The following TMEM232 variants were observed in gnomAD, a reference collection of about 807,000 sequenced individuals.
TMEM232 encodes the protein transmembrane protein 232.
Under a neutral mutation model 78.8 loss-of-function variants are expected in TMEM232, and 80 were observed. The observed-to-expected ratio is 1.01, with a 90% CI of 0.85 to 1.22. The LOEUF (loss-of-function observed/expected upper bound fraction) is 1.22, where lower values mean the gene tolerates loss of function less well. TMEM232 is among the 50% of genes most tolerant of loss of function. TMEM232 has a pLI of 0.00. For missense variants in TMEM232, 881 were observed against 742.2 expected, an observed-to-expected ratio of 1.19 and a Z score of -2.17; for synonymous variants, 297 against 254.3, an observed-to-expected ratio of 1.17 and a Z score of -1.60.
intron 11 of TMEM232, among the ~76,000 whole-genome samples, chr5:110,564,816 T>C (rs968211075): frequency 4.6e-5 from 7 of 151,928 alleles, no homozygotes; most frequent in African/African-American, 1.4e-4. Flanking sequence ...CCTATTCTCA[T>C]TGCCTGAAGA....
intron 2 of TMEM232, among the ~76,000 whole-genome samples, chr5:110,399,720 G>C (rs1401110001): frequency 1.3e-5 from 2 of 152,080 alleles, no homozygotes; most frequent in Non-Finnish European, 2.9e-5. Flanking sequence ...ATTTCCATCA[G>C]CTTCGAAATG....
At chr5:110,618,622 CT>C in intron 7 of TMEM232, 60 bp from the exon 8 acceptor site, 15 of 1,425,184 alleles carry the variant, frequency 1.1e-5, no homozygotes, top group Non-Finnish European at 1.4e-5. Flanking sequence ...AAAGAGTACT[CT>C]GACTTGAACA....
At chr5:110,520,845 G>A (rs1001602464) in intron 12 of TMEM232, among the ~76,000 whole-genome samples, 4 of 152,166 alleles carry the variant, frequency 2.6e-5, no homozygotes, top group African/African-American at 9.7e-5. Flanking sequence ...TTGAACCCAA[G>A]AGGCAGAGGT....
intron 8 of TMEM232, among the ~76,000 whole-genome samples, chr5:110,615,577 C>G (rs920097406): frequency 1.3e-5 from 2 of 151,666 alleles, no homozygotes; most frequent in African/African-American, 4.8e-5. Context: ...AGGAACAAGA[C>G]AAGAATGTTC....
intron 2 of TMEM232, among the ~76,000 whole-genome samples, chr5:110,652,599 G>C (rs931459845): frequency 1.3e-5 from 2 of 152,026 alleles, no homozygotes; most frequent in Non-Finnish European, 2.9e-5. Context: ...TGTAAATCCT[G>C]AGTCCTTTAA....
In TMEM232 at chr5:110,582,606, G is replaced by C. The variant is rs1358219486; in HGVS notation, c.1277-13981C>G. ...ACTACCTGTACCAGGAACAAGCCAAGGTTGTCTACTCTGGTGATGTCTATT... is the reference window on the plus strand; with the variant it reads ...ACTACCTGTACCAGGAACAAGCCAACGTTGTCTACTCTGGTGATGTCTATT... On this transcript the variant is annotated intron_variant, in intron 10 of 13. Coordinates refer to ENST00000455884, the MANE Select transcript of TMEM232 (RefSeq NM_001039763.4). Among the ~76,000 whole-genome samples the C allele has an allele frequency of 2.0e-5, 3 of 151,994 alleles. No homozygotes were observed. The South Asian group carries it at 6.2e-4, about 32-fold the overall frequency.
intron 11 of TMEM232, among the ~76,000 whole-genome samples, chr5:110,532,779 C>A (rs1771735442): frequency 6.6e-6 from 1 of 152,114 alleles, no homozygotes; most frequent in East Asian, 1.9e-4. Flanking sequence ...ATCATGCACT[C>A]CTTACCATCT....
intron 11 of TMEM232, among the ~76,000 whole-genome samples, chr5:110,546,365 GTTGT>G (rs1033709758): frequency 4.1e-4 from 63 of 152,174 alleles, no homozygotes; most frequent in Admixed American, 1.1e-3. Flanking sequence ...ATGAAATTCA[GTTGT>G]TTATCATATA....
chr5:110,510,686 A>G (rs1441717961), intron 12 of TMEM232, among the ~76,000 whole-genome samples: 4 of 152,242 alleles, frequency 2.6e-5, no homozygotes. Flanking sequence ...CAGCAAACAT[A>G]TGAAAAAAAA....
chr5:110,504,133 T>C (rs1766590200), intron 12 of TMEM232, among the ~76,000 whole-genome samples: 1 of 152,216 alleles, frequency 6.6e-6, no homozygotes, highest in Admixed American at 6.5e-5. Flanking sequence ...TAATAATCAC[T>C]TTAGACAGTA....
intron 11 of TMEM232, among the ~76,000 whole-genome samples, chr5:110,538,002 A>G (rs1033149290): frequency 1.3e-5 from 2 of 152,206 alleles, no homozygotes; most frequent in Admixed American, 1.3e-4. Flanking sequence ...GGGCCCAAAC[A>G]CAGTCTCCAC....
Position 110,495,172 on chromosome 5 carries a change from G to A in TMEM232, c.1703+33416C>T, listed in dbSNP as rs562572297. ...AAGCCTCAAAAATTGAGTAATTTTA[G>A]AAGATTGCAGCAAATAAAAGGAGAG... On this transcript the variant is annotated intron_variant, in intron 12 of 13. Coordinates refer to ENST00000455884, the MANE Select transcript of TMEM232 (RefSeq NM_001039763.4). 9.2e-5 allele frequency among the ~76,000 whole-genome samples: 14 copies of A among 151,528 alleles called. No individual in the cohort carries two copies. In the South Asian group the frequency reaches 1.7e-3, roughly 18 times the overall value.
chr5:110,462,332 T>C (rs1761618788), intron 12 of TMEM232, among the ~76,000 whole-genome samples: 1 of 152,166 alleles, frequency 6.6e-6, no homozygotes, highest in South Asian at 2.1e-4. Flanking sequence ...AAAGTACTGT[T>C]CCTGAGTGTG....
At chr5:110,580,005 A>G (rs560138048) in intron 10 of TMEM232, among the ~76,000 whole-genome samples, 1 of 151,842 alleles carries the variant, frequency 6.6e-6, no homozygotes, top group South Asian at 2.1e-4. Context: ...AAGAAGCCAG[A>G]GTGGCTATAC....
intron 11 of TMEM232, among the ~76,000 whole-genome samples, chr5:110,547,674 A>T (rs369456144): frequency 2.0e-5 from 3 of 152,254 alleles, no homozygotes; most frequent in African/African-American, 7.2e-5. Context: ...TTCTTAGTCA[A>T]TGAAATCATC....
chr5:110,471,971 C>A (rs955801724), intron 12 of TMEM232, among the ~76,000 whole-genome samples: 2 of 151,898 alleles, frequency 1.3e-5, no homozygotes, highest in Non-Finnish European at 2.9e-5. Flanking sequence ...AACTATACAC[C>A]TACAAATTGG....
In TMEM232 at chr5:110,625,325, T is replaced by C; in HGVS notation, c.710A>G (p.Glu237Gly). The change falls in exon 7 of 14, where the codon GAA (glutamate) becomes GGA (glycine). Residue 237 changes from glutamate (E) to glycine (G), a missense_variant. Glu to Gly is a moderately conservative substitution (Grantham distance 98). Transcript: ENST00000455884. Reference protein sequence around the residue: ...EIIGKRELRSESIFRPVEDKK... With the variant: ...EIIGKRELRSGSIFRPVEDKK... ...ATCTTCCACAGGTCTAAAAATGGAT[T>C]CAGAACGGAGTTCTCTTTTACCTAT... 4 of 1,546,892 alleles carry C rather than the reference T, an allele frequency of 2.6e-6. No homozygotes were observed. Among genetic ancestry groups the C allele is most frequent in the Non-Finnish European group, 3.5e-6 (4 of 1,144,526 alleles).
chr5:110,528,867 A>T (rs1771004648), intron 11 of TMEM232, 32 bp from the exon 12 acceptor site: 1 of 1,348,738 alleles, frequency 7.4e-7, no homozygotes, highest in Non-Finnish European at 9.5e-7. Flanking sequence ...GAATCAGTTG[A>T]AACAGGATTA....
At chr5:110,649,941 T>G (rs1302041043) in intron 2 of TMEM232, among the ~76,000 whole-genome samples, 2 of 152,162 alleles carry the variant, frequency 1.3e-5, no homozygotes, top group African/African-American at 2.4e-5. Context: ...TTATTATGCC[T>G]TAATTTCTTT....
Sources: allele counts gnomAD v4.1 joint callset (sites outside exome capture counted in the v4.1 genomes callset), GRCh38; gene constraint gnomAD v4.1.1; transcripts MANE v1.5; gene names NCBI Gene and HGNC (gene_info 2026-07-23, HGNC 2026-07-21).